The following MARCHF1 variants were observed in gnomAD, a reference collection of about 807,000 sequenced individuals.
The protein encoded by MARCHF1 is membrane associated ring-CH-type finger 1, also known as E3 ubiquitin-protein ligase MARCHF1.
Under a neutral mutation model 54.2 loss-of-function variants are expected in MARCHF1, and 40 were observed. The ratio of observed to expected loss-of-function variants is 0.74; its 90% CI spans 0.57 to 0.96. The LOEUF (loss-of-function observed/expected upper bound fraction) is 0.96, where lower values mean the gene tolerates loss of function less well. MARCHF1 is among the 40% of genes least tolerant of loss of function. The pLI is 0.00. For synonymous variants in MARCHF1, 236 were observed against 236.3 expected, an observed-to-expected ratio of 1.00 and a Z score of 0.01; for missense variants, 586 against 656.5, an observed-to-expected ratio of 0.89 and a Z score of 1.17.
At chr4:163,829,817 A>C (rs1243071750) in intron 4 of MARCHF1, among the ~76,000 whole-genome samples, 1 of 152,252 alleles carries the variant, frequency 6.6e-6, no homozygotes, top group African/African-American at 2.4e-5. Context: ...AAAATTAATT[A>C]GGCAAACAAT....
At chr4:164,239,031 A>T (rs1028092434) in intron 1 of MARCHF1, among the ~76,000 whole-genome samples, 3 of 151,940 alleles carry the variant, frequency 2.0e-5, no homozygotes, top group African/African-American at 7.2e-5. Flanking sequence ...CCTATGGATC[A>T]CCATTGTTTT....
chr4:163,804,419 T>C (rs1168617895), intron 4 of MARCHF1, among the ~76,000 whole-genome samples: 1 of 152,130 alleles, frequency 6.6e-6, no homozygotes, highest in African/African-American at 2.4e-5. Context: ...AAAAGACTCC[T>C]GGGCTGGGGA....
intron 1 of MARCHF1, among the ~76,000 whole-genome samples, chr4:164,145,768 G>T (rs1285018507): frequency 2.9e-5 from 4 of 136,566 alleles, no homozygotes; most frequent in African/African-American, 1.1e-4. Context: ...GCACAAGACA[G>T]GGATGGCCTC....
At chr4:163,736,201 A>T (rs1370611015) in intron 4 of MARCHF1, among the ~76,000 whole-genome samples, 2 of 152,108 alleles carry the variant, frequency 1.3e-5, no homozygotes, top group Non-Finnish European at 2.9e-5. Context: ...GGGATATCCT[A>T]ATTGCCAGTA....
intron 8 of MARCHF1, among the ~76,000 whole-genome samples, chr4:163,578,156 G>A (rs1740100740): frequency 6.6e-6 from 1 of 151,862 alleles, no homozygotes; most frequent in Non-Finnish European, 1.5e-5. Context: ...CAGAATAAAA[G>A]AAGCTCCATT....
chr4:163,589,083 A>C (rs1012121143), intron 7 of MARCHF1, among the ~76,000 whole-genome samples: 1 of 151,686 alleles, frequency 6.6e-6, no homozygotes, highest in Non-Finnish European at 1.5e-5. Context: ...AAAAAAAAAA[A>C]AAACTGCAGG....
chr4:163,730,831 T>C (rs1745803672), intron 4 of MARCHF1, among the ~76,000 whole-genome samples: 1 of 152,194 alleles, frequency 6.6e-6, no homozygotes, highest in Non-Finnish European at 1.5e-5. Flanking sequence ...CAGTGAGTTC[T>C]TAGCATCACA....
intron 7 of MARCHF1, among the ~76,000 whole-genome samples, chr4:163,606,081 A>G (rs1240849119): frequency 1.3e-5 from 2 of 152,110 alleles, no homozygotes; most frequent in African/African-American, 2.4e-5. Context: ...TATGCATAAC[A>G]TATATGAAAC....
At chr4:163,732,739 G>T (rs1476738094) in intron 4 of MARCHF1, among the ~76,000 whole-genome samples, 2 of 151,952 alleles carry the variant, frequency 1.3e-5, no homozygotes, top group Non-Finnish European at 2.9e-5. Context: ...AGAAACAAAA[G>T]AATCTTTCAA....
intron 7 of MARCHF1, among the ~76,000 whole-genome samples, chr4:163,596,537 CAAA>C (rs142539749): frequency 0.014 from 1,036 of 73,692 alleles, 7 homozygotes; most frequent in African/African-American, 0.052. Context: ...GAGGCTGTCT[CAAA>C]AAAAAAAAAA....
intron 1 of MARCHF1, among the ~76,000 whole-genome samples, chr4:164,275,803 G>A (rs912526056): frequency 6.6e-6 from 1 of 152,142 alleles, no homozygotes; most frequent in Non-Finnish European, 1.5e-5. Flanking sequence ...TATGTTAGTT[G>A]ATACCAGAGG....
At chr4:163,543,485 G>T (rs912117961) in intron 9 of MARCHF1, among the ~76,000 whole-genome samples, 1 of 151,800 alleles carries the variant, frequency 6.6e-6, no homozygotes, top group African/African-American at 2.4e-5. Context: ...ATTGCGACAC[G>T]CTGAGACTTT....
chr4:163,788,403 AG>A (rs1329738628), intron 4 of MARCHF1, among the ~76,000 whole-genome samples: 1 of 151,996 alleles, frequency 6.6e-6, no homozygotes, highest in Non-Finnish European at 1.5e-5. Flanking sequence ...TTCATATTTC[AG>A]TAGTTTTCCC....
chr4:163,580,811 T>TAGAATCAGGGAGCTTTGAGTTGTGTGATA (rs1366473455), intron 8 of MARCHF1, among the ~76,000 whole-genome samples: 861 of 45,788 alleles, frequency 0.019, 135 homozygotes, highest in East Asian at 0.031. Flanking sequence ...TTTTTTTTTT[T>TAGAATCAGGGAGCTTTGAGTTGTGTGATA]TTGAGACGGA....
intron 8 of MARCHF1, among the ~76,000 whole-genome samples, chr4:163,567,382 G>C (rs1739679473): frequency 6.6e-6 from 1 of 152,128 alleles, no homozygotes; most frequent in South Asian, 2.1e-4. Flanking sequence ...TCCTGCACTG[G>C]CTGTGTTCAC....
intron 1 of MARCHF1, among the ~76,000 whole-genome samples, chr4:164,207,308 G>C (rs1731635754): frequency 6.6e-6 from 1 of 152,102 alleles, no homozygotes; most frequent in African/African-American, 2.4e-5. Context: ...ACATTCAATA[G>C]CTTTTTTCAA....
At chr4:164,073,516 G>C (rs1007877127) in intron 2 of MARCHF1, among the ~76,000 whole-genome samples, 1 of 151,974 alleles carries the variant, frequency 6.6e-6, no homozygotes, top group Admixed American at 6.6e-5. Flanking sequence ...GGCAGGGGGA[G>C]GGATAGCATT....
At chr4:164,057,138 A>C (rs958764188) in intron 2 of MARCHF1, among the ~76,000 whole-genome samples, 1 of 152,210 alleles carries the variant, frequency 6.6e-6, no homozygotes, top group Non-Finnish European at 1.5e-5. Flanking sequence ...CTTGCTCTTT[A>C]AACAAGGAGC....
At chr4:164,264,943 C>T (rs1471355309) in intron 1 of MARCHF1, among the ~76,000 whole-genome samples, 1 of 150,014 alleles carries the variant, frequency 6.7e-6, no homozygotes, top group Admixed American at 6.6e-5. Context: ...AAAAAAAACA[C>T]CACCATCATT....
Sources: allele counts gnomAD v4.1 joint callset (sites outside exome capture counted in the v4.1 genomes callset), GRCh38; gene constraint gnomAD v4.1.1; transcripts MANE v1.5; gene names NCBI Gene and HGNC (gene_info 2026-07-23, HGNC 2026-07-21).